RPS6KA5: variants seen among roughly 807,000 people sequenced by gnomAD.
The protein encoded by RPS6KA5 is ribosomal protein S6 kinase A5.
A neutral mutation model predicts 85.5 loss-of-function variants in RPS6KA5; 27 were observed. The ratio of observed to expected loss-of-function variants is 0.32; its 90% confidence interval spans 0.23 to 0.44. The LOEUF is 0.44. RPS6KA5 is among the 20% of genes least tolerant of loss of function. RPS6KA5 has a pLI of 1.00. For synonymous variants in RPS6KA5, 334 were observed against 348.2 expected (o/e 0.96, Z 0.46); for missense variants, 811 against 980.9 (o/e 0.83, Z 2.31).
At chr14:90,927,684 G>A (rs2036746836) in intron 5 of RPS6KA5, among the ~76,000 whole-genome samples, 1 of 152,016 alleles carries the variant, frequency 6.6e-6, no homozygotes, top group African/African-American at 2.4e-5. Flanking sequence ...TCAAAAATTT[G>A]TGAAAAGCTT....
chr14:91,020,516 A>G (rs923565277), intron 1 of RPS6KA5, among the ~76,000 whole-genome samples: 2 of 142,900 alleles, frequency 1.4e-5, no homozygotes, highest in African/African-American at 2.6e-5. Context: ...CCAATCTCCT[A>G]TGGATGCTAA....
At position 90,859,522 on chromosome 14, in the gene RPS6KA5, G is replaced by A. The variant is rs551410007; in HGVS notation, c.*12552C>T. 1 of 152,128 alleles carries A rather than the reference G, an allele frequency of 6.6e-6. No individual in the cohort carries two copies. Among genetic ancestry groups the A allele is most frequent in the Admixed American group, 6.5e-5 (1 of 15,278 alleles). The allele number at this position is 152,128 out of a possible 1,614,324, so 9.4% of individuals were successfully genotyped here. On this transcript the variant is annotated 3_prime_UTR_variant, in exon 17 of 17. Transcript: ENST00000614987. ...CTTGGCACCTACAAAAAAGTGTCAT[G>A]GATATTTTAGAATCCAAAATATAAG...
rs141929506 is a variant in RPS6KA5, at chr14:90,945,526, G to T, written c.510+1909C>A. 2.8e-3 allele frequency among the ~76,000 whole-genome samples: 423 copies of T among 152,230 alleles called. 1 individual carries two copies. Among genetic ancestry groups the T allele is most frequent in the Non-Finnish European group, 4.5e-3 (304 of 68,022 alleles). ...CTTCCTGTGAAACTCAATGTTAGTA[G>T]CTTTATCAAGATTAACATTGCTGGC... On this transcript the variant is annotated intron_variant, in intron 4 of 16. Transcript: ENST00000614987.
chr14:90,880,426 A>T (rs1247477478), intron 14 of RPS6KA5, among the ~76,000 whole-genome samples: 1 of 152,122 alleles, frequency 6.6e-6, no homozygotes, highest in Non-Finnish European at 1.5e-5. Flanking sequence ...CTCAATAATC[A>T]TCTATGTTTT....
chr14:90,943,459 C>T (rs972147219), intron 4 of RPS6KA5, among the ~76,000 whole-genome samples: 20 of 152,072 alleles, frequency 1.3e-4, no homozygotes, highest in African/African-American at 4.6e-4. Flanking sequence ...ACTCGTGCTT[C>T]TTCATGTCTC....
chr14:90,906,044 G>C (rs2035482031), intron 8 of RPS6KA5, 105 bp downstream of exon 8: 1 of 1,141,934 alleles, frequency 8.8e-7, no homozygotes, highest in Non-Finnish European at 1.2e-6. Context: ...AATGCCAGTG[G>C]AAAATGATCC....
chr14:91,025,472 T>A (rs1369261696), intron 1 of RPS6KA5, among the ~76,000 whole-genome samples: 1 of 152,238 alleles, frequency 6.6e-6, no homozygotes, highest in Non-Finnish European at 1.5e-5. Context: ...ATCTGAAGAT[T>A]ATCATACTCC....
At chr14:91,055,017 G>A (rs1470142674) in intron 1 of RPS6KA5, among the ~76,000 whole-genome samples, 1 of 152,070 alleles carries the variant, frequency 6.6e-6, no homozygotes, top group Non-Finnish European at 1.5e-5. Context: ...TTCTCCAAAG[G>A]TATACAAATG....
In RPS6KA5 at chr14:91,022,339, T is replaced by C. The variant is rs75668372; in HGVS notation, c.104-21180A>G. ...GAATGGTGAAACCCAAATATTATAA[T>C]GGGGATCCAATGGAATGTGAAGTAT... is the stretch of plus-strand genomic sequence containing the variant. On this transcript the variant is annotated intron_variant, in intron 1 of 16. Coordinates refer to ENST00000614987, the MANE Select transcript of RPS6KA5 (RefSeq NM_004755.4). Among the ~76,000 whole-genome samples the C allele has an allele frequency of 3.0e-3, 451 of 152,288 alleles. 4 individuals carry two copies. The highest frequency in any genetic ancestry group is 9.8e-3 in the African/African-American group (407 of 41,560).
At chr14:91,023,294 C>CT (rs919697162) in intron 1 of RPS6KA5, among the ~76,000 whole-genome samples, 168 of 143,702 alleles carry the variant, frequency 1.2e-3, no homozygotes, top group Middle Eastern at 3.6e-3. Flanking sequence ...CAAATTTTTT[C>CT]TTTTTTTTTT....
At chr14:90,874,864 T>C (rs887123079) in intron 15 of RPS6KA5, among the ~76,000 whole-genome samples, 1 of 152,094 alleles carries the variant, frequency 6.6e-6, no homozygotes, top group African/African-American at 2.4e-5. Context: ...TCTGTTTTGG[T>C]GATCTGGCTT....
chr14:90,909,769 A>G (rs1473462896), intron 7 of RPS6KA5, among the ~76,000 whole-genome samples: 1 of 152,154 alleles, frequency 6.6e-6, no homozygotes, highest in African/African-American at 2.4e-5. Flanking sequence ...AAAAATAACC[A>G]AGCTTATATA....
intron 5 of RPS6KA5, among the ~76,000 whole-genome samples, chr14:90,942,863 T>C (rs1338998610): frequency 6.6e-6 from 1 of 152,210 alleles, no homozygotes; most frequent in African/African-American, 2.4e-5. Flanking sequence ...TTTAAATAAA[T>C]AGGAATTCTG....
At chr14:90,969,845 C>T (rs941235604) in intron 3 of RPS6KA5, among the ~76,000 whole-genome samples, 12 of 151,936 alleles carry the variant, frequency 7.9e-5, no homozygotes, top group Non-Finnish European at 1.5e-4. Context: ...TGATTCAGAC[C>T]ACTTCTCTCT....
chr14:90,949,871 T>C (rs973915582), intron 3 of RPS6KA5, among the ~76,000 whole-genome samples: 1 of 152,212 alleles, frequency 6.6e-6, no homozygotes, highest in African/African-American at 2.4e-5. Flanking sequence ...ACCTAAAATA[T>C]CAAGTGACCT....
At chr14:90,954,434 G>A (rs2038394025) in intron 3 of RPS6KA5, among the ~76,000 whole-genome samples, 1 of 152,154 alleles carries the variant, frequency 6.6e-6, no homozygotes, top group Admixed American at 6.6e-5. Flanking sequence ...TTTTGTTTGA[G>A]AGAAAGTCTC....
chr14:90,998,247 GT>G (rs2040620993), intron 2 of RPS6KA5, among the ~76,000 whole-genome samples: 1 of 152,092 alleles, frequency 6.6e-6, no homozygotes, highest in African/African-American at 2.4e-5. Flanking sequence ...AGGGTTCAGG[GT>G]TTCTTTCTGA....
intron 1 of RPS6KA5, among the ~76,000 whole-genome samples, chr14:91,058,559 T>G (rs1031571509): frequency 6.6e-6 from 1 of 152,158 alleles, no homozygotes; most frequent in Non-Finnish European, 1.5e-5. Flanking sequence ...TATAAATCAG[T>G]GGATCGTTAT....
chr14:90,966,862 A>G (rs1042853246), intron 3 of RPS6KA5, among the ~76,000 whole-genome samples: 2 of 152,224 alleles, frequency 1.3e-5, no homozygotes, highest in African/African-American at 2.4e-5. Flanking sequence ...ATAGAAAAGA[A>G]GAGAGAAAGC....
Sources: allele counts gnomAD v4.1 joint callset (sites outside exome capture counted in the v4.1 genomes callset), GRCh38; gene constraint gnomAD v4.1.1; transcripts MANE v1.5; gene names NCBI Gene and HGNC (gene_info 2026-07-23, HGNC 2026-07-21).